Variants in SLC6A19 observed in about 807,000 individuals in gnomAD.
SLC6A19 encodes the protein sodium-dependent neutral amino acid transporter B(0)AT1.
In SLC6A19, 67 loss-of-function variants were observed where a neutral mutation model predicts 68.3. The observed-to-expected ratio is 0.98, with a 90% CI of 0.81 to 1.20. SLC6A19 has a LOEUF of 1.20. SLC6A19 is among the 50% of genes most tolerant of loss of function. The pLI is 0.00. For missense variants in SLC6A19, 813 were observed against 851.6 expected, an observed-to-expected ratio of 0.95 and a Z score of 0.56; for synonymous variants, 392 against 374.9, an observed-to-expected ratio of 1.05 and a Z score of -0.53.
intron 11 of SLC6A19, 70 bp from the exon 12 acceptor site, chr5:1,221,631 G>A: frequency 6.3e-7 from 1 of 1,579,642 alleles, no homozygotes; most frequent in Non-Finnish European, 8.7e-7. Flanking sequence ...ATGGGGTGAG[G>A]GGCCTTTGCC....
Position 1,219,044 on chromosome 5 carries a change from G to A in SLC6A19, c.1315G>A (p.Val439Ile), listed in dbSNP as rs559766213. 50 of 1,614,004 alleles carry A rather than the reference G, an allele frequency of 3.1e-5. No individual in the cohort carries two copies. The highest frequency in any genetic ancestry group is 1.8e-4 in the Admixed American group (11 of 60,024). ...LSSMFGNMEG[V>I]VVPLQDLRVI... ...ATCTATGTTTGGGAACATGGAGGGC[G>A]TCGTTGTGCCCCTGCAGGACCTCAG... The change falls in exon 9 of 12, where the codon GTC becomes ATC. Residue 439 changes from valine (V) to isoleucine (I), a missense_variant. Physicochemically the swap from Val to Ile is conservative, Grantham distance 29. Coordinates refer to ENST00000304460, the MANE Select transcript of SLC6A19 (RefSeq NM_001003841.3).
Position 1,212,483 on chromosome 5 carries a change from A to G in SLC6A19, c.662A>G (p.Lys221Arg). 3.1e-6 allele frequency: 5 copies of G among 1,606,548 alleles called. No homozygotes were observed. The highest frequency in any genetic ancestry group is 3.4e-6 in the Non-Finnish European group (4 of 1,179,796). The change falls in exon 4 of 12, where the codon AAG (lysine) becomes AGG (arginine). Residue 221 changes from lysine to arginine, a missense_variant and splice_region_variant. By Grantham distance (26) the Lys-to-Arg change is conservative (BLOSUM62 2). Transcript: ENST00000304460. This position sits in a 1 kb window ranked among gnomAD's most constrained non-coding sequence, Gnocchi z 5.1. ...ATCCGCGGCATCGAGACCACCGGGA[A>G]GGTACTGCATGGGCCCGGCCAGGCT... is the stretch of plus-strand genomic sequence containing the variant. ...CTIRGIETTG[K>R]AVYITSTLPY...
intron 1 of SLC6A19, among the ~76,000 whole-genome samples, chr5:1,202,204 C>T (rs1257847550): frequency 6.6e-6 from 1 of 152,210 alleles, no homozygotes; most frequent in Admixed American, 6.5e-5. Flanking sequence ...CGGGGCTGGG[C>T]CCTCCTGGGC....
intron 1 of SLC6A19, among the ~76,000 whole-genome samples, chr5:1,203,213 T>C (rs891085075): frequency 3.3e-5 from 5 of 152,090 alleles, no homozygotes; most frequent in Admixed American, 6.5e-5. Context: ...CCTGGGAAGT[T>C]ATTTGTCTTT....
rs1164101360 is a variant in SLC6A19 at position 1,201,597 on chromosome 5, T to C, written c.-54T>C. The C allele has an allele frequency of 2.6e-6, 4 of 1,567,924 alleles. No individual in the cohort carries two copies. The highest frequency in any genetic ancestry group is 2.3e-5 in the East Asian group (1 of 43,274). On this transcript the variant is annotated 5_prime_UTR_variant, in exon 1 of 12. Coordinates refer to ENST00000304460, the MANE Select transcript of SLC6A19 (RefSeq NM_001003841.3). ...TGCCCGGCTCCCGGCCCACGGCCAC[T>C]CGCCCTCCAGCTTCTGCCCTGCCTG...
At position 1,215,391 on chromosome 5, in the gene SLC6A19, T is replaced by A. The variant is rs1220846464; in HGVS notation, c.888-1167T>A. On this transcript the variant is annotated intron_variant, in intron 6 of 11. Transcript: ENST00000304460. This position sits in a 1 kb window ranked among gnomAD's most constrained non-coding sequence, Gnocchi z 5.1. ...CCAATCAGCAAAAGCTCCACATATGTGAGCAGCCGCTCCCCAGTGCCCTGT... is the reference window on the plus strand; with the variant it reads ...CCAATCAGCAAAAGCTCCACATATGAGAGCAGCCGCTCCCCAGTGCCCTGT... Among the ~76,000 whole-genome samples, 1 of 152,236 alleles carries A rather than the reference T, an allele frequency of 6.6e-6. No homozygotes were observed. The highest frequency in any genetic ancestry group is 1.5e-5 in the Non-Finnish European group (1 of 68,040).
chr5:1,221,374 C>T, intron 11 of SLC6A19, 61 bp downstream of exon 11: 1 of 1,588,326 alleles, frequency 6.3e-7, no homozygotes. Context: ...AAGGAGGACA[C>T]TCATCCACAC....
In SLC6A19 at chr5:1,221,698, C is replaced by T. The variant is rs375562965; in HGVS notation, c.1702-3C>T. ...CTACTCACCCATGGGGCTCTCTCCCCAGGAGGAATTTCCCAAATCCCAGAA... is the reference window on the plus strand; with the variant it reads ...CTACTCACCCATGGGGCTCTCTCCCTAGGAGGAATTTCCCAAATCCCAGAA... On this transcript the variant is annotated splice_polypyrimidine_tract_variant and splice_region_variant and intron_variant, in intron 11 of 11. Transcript: ENST00000304460. 10 of 1,613,790 alleles carry T rather than the reference C, an allele frequency of 6.2e-6. No homozygotes were observed. In the African/African-American group the frequency reaches 8.0e-5, roughly 13 times the overall value.
intron 2 of SLC6A19, 104 bp from the exon 3 acceptor site, chr5:1,210,340 A>G (rs1159760527): frequency 6.5e-7 from 1 of 1,535,338 alleles, no homozygotes; most frequent in African/African-American, 1.4e-5. Context: ...AGCCCATCCC[A>G]GCCACACCCT....
intron 8 of SLC6A19, among the ~76,000 whole-genome samples, chr5:1,217,400 G>A (rs757505857): frequency 1.3e-5 from 2 of 152,252 alleles, no homozygotes; most frequent in Non-Finnish European, 2.9e-5. Flanking sequence ...TCCACGTAAC[G>A]AGTGTTTTTG....
intron 1 of SLC6A19, among the ~76,000 whole-genome samples, chr5:1,205,849 C>T (rs1196071116): frequency 6.6e-6 from 1 of 151,510 alleles, no homozygotes; most frequent in Non-Finnish European, 1.5e-5. Context: ...TGCAGGTGAG[C>T]CTGCAGCCCC....
Position 1,222,036 on chromosome 5 carries a change from T to G in SLC6A19, c.*132T>G, listed in dbSNP as rs1746398292. On this transcript the variant is annotated 3_prime_UTR_variant, in exon 12 of 12. Transcript: ENST00000304460. ...GTATGCTCGTGTGTGAGTGTGTGTA[T>G]TGTACACGCATGTGCCATGTGTGCA... The G allele has an allele frequency of 1.0e-6, 1 of 1,001,500 alleles. No individual in the cohort carries two copies. Among genetic ancestry groups the G allele is most frequent in the African/African-American group, 1.6e-5 (1 of 62,574 alleles). 62.0% of individuals were successfully genotyped at this position (1,001,500 alleles called of 1,614,324 possible).
chr5:1,218,007 G>A (rs183349305), intron 8 of SLC6A19, among the ~76,000 whole-genome samples: 6,079 of 151,336 alleles, frequency 0.04, 183 homozygotes, highest in Non-Finnish European at 0.056. Context: ...CCATCCTGGC[G>A]CCTCCTCCCG....
rs1380110900 is a variant in SLC6A19, at chr5:1,223,416, C to A, written c.*1512C>A. 2 of 152,346 alleles carry A rather than the reference C, an allele frequency of 1.3e-5. No individual in the cohort carries two copies. The highest frequency in any genetic ancestry group is 2.9e-5 in the Non-Finnish European group (2 of 68,100). The allele number at this position is 152,346 out of a possible 1,614,324, so 9.4% of individuals were successfully genotyped here. A position where few individuals can be genotyped will look rare whatever the true frequency, so the allele number is the denominator to read the frequency against. ...GTCCAGGGCACCTTGGAGGACCGTG[C>A]AGCCCCCAGAAGCTTCCAGCTCCCG... On this transcript the variant is annotated 3_prime_UTR_variant, in exon 12 of 12. Coordinates refer to ENST00000304460, the MANE Select transcript of SLC6A19 (RefSeq NM_001003841.3).
chr5:1,205,855 G>GC (rs111478739), intron 1 of SLC6A19, among the ~76,000 whole-genome samples: 7,705 of 152,286 alleles, frequency 0.051, 225 homozygotes, highest in African/African-American at 0.088. Context: ...TGAGCCTGCA[G>GC]CCCCCACACC....
In SLC6A19 at chr5:1,213,461, A is replaced by G; in HGVS notation, c.664-2A>G. The G allele has an allele frequency of 7.4e-7, 1 of 1,342,844 alleles. No individual in the cohort carries two copies. The highest frequency in any genetic ancestry group is 9.8e-7 in the Non-Finnish European group (1 of 1,020,084). The allele number at this position is 1,342,844 out of a possible 1,614,324, so 83.2% of individuals were successfully genotyped here. On this transcript the variant is annotated splice_acceptor_variant, in intron 4 of 11. Coordinates refer to ENST00000304460, the MANE Select transcript of SLC6A19 (RefSeq NM_001003841.3). LOFTEE classifies it high-confidence loss of function. Reference sequence around the variant, plus strand: ...CCATCCCACATGTCCCGCCCTCCGCAGGCCGTGTACATCACCTCCACGCTG... The same window carrying G: ...CCATCCCACATGTCCCGCCCTCCGCGGGCCGTGTACATCACCTCCACGCTG...
intron 1 of SLC6A19, 105 bp downstream of exon 1, chr5:1,201,957 C>T: frequency 7.1e-7 from 1 of 1,400,670 alleles, no homozygotes; most frequent in Non-Finnish European, 9.6e-7. Context: ...GCTCCCCAAG[C>T]ACGGAGGGGA....
At position 1,221,684 on chromosome 5, in the gene SLC6A19, T is replaced by G; in HGVS notation, c.1702-17T>G. Reference sequence around the variant, plus strand: ...GGCTCCCGGGATGCCTACTCACCCATGGGGCTCTCTCCCCAGGAGGAATTT... The same window carrying G: ...GGCTCCCGGGATGCCTACTCACCCAGGGGGCTCTCTCCCCAGGAGGAATTT... On this transcript the variant is annotated splice_polypyrimidine_tract_variant and intron_variant, in intron 11 of 11. Coordinates refer to ENST00000304460, the MANE Select transcript of SLC6A19 (RefSeq NM_001003841.3). 1.2e-6 allele frequency: 2 copies of G among 1,613,714 alleles called. No individual in the cohort carries two copies. Among genetic ancestry groups the G allele is most frequent in the Non-Finnish European group, 1.7e-6 (2 of 1,179,822 alleles).
intron 1 of SLC6A19, among the ~76,000 whole-genome samples, chr5:1,202,070 A>C (rs567077677): frequency 6.6e-6 from 1 of 152,188 alleles, no homozygotes; most frequent in African/African-American, 2.4e-5. Flanking sequence ...GCACGACCCC[A>C]AGACTTCGTG....
Sources: gnomAD v4.1 joint callset for allele counts (sites outside exome capture counted in the v4.1 genomes callset) on GRCh38, gnomAD v4.1.1 for gene constraint, Gnocchi (gnomAD v3.1) non-coding constraint, MANE v1.5 for transcripts, NCBI Gene and HGNC (gene_info 2026-07-23, HGNC 2026-07-21) for gene names.